TBX5: variants seen among roughly 807,000 people sequenced by gnomAD.
The protein encoded by TBX5 is T-box transcription factor 5.
Under a neutral mutation model 51.1 loss-of-function variants are expected in TBX5, and 8 were observed. That is an observed-to-expected ratio of 0.16 (90% confidence interval 0.09 to 0.28). The LOEUF is 0.28. Among genes scored for constraint, TBX5 ranks in the 10% least tolerant of loss-of-function variants. The probability of loss-of-function intolerance (pLI) is 1.00; values close to 1 mark genes in which losing one functional copy is unlikely to be tolerated. For synonymous variants in TBX5, 302 were observed against 266.4 expected (o/e 1.13, Z -1.30); for missense variants, 589 against 671.7 (o/e 0.88, Z 1.36).
chr12:114,403,507 C>T (rs1026642150), intron 2 of TBX5, among the ~76,000 whole-genome samples: 11 of 152,304 alleles, frequency 7.2e-5, no homozygotes, highest in South Asian at 2.1e-4. Flanking sequence ...TTTCAAAAAT[C>T]CTTTGGCCGT....
chr12:114,366,306 G>C lies in TBX5; in HGVS notation c.841C>G (p.Leu281Val), dbSNP rs760177359. The change falls in exon 8 of 9, where the codon CTC (leucine) becomes GTC (valine). Residue 281 changes from leucine to valine, a missense_variant. Leu to Val is a conservative substitution (Grantham distance 32). This residue lies in a region of TBX5 where 348 missense variants were observed against 360.4 expected (regional missense o/e 0.97). Coordinates refer to ENST00000405440, the MANE Select transcript of TBX5 (RefSeq NM_181486.4). Reference protein sequence around the residue: ...HSPFSSESRALSTSSNLGSQY... With the variant: ...HSPFSSESRAVSTSSNLGSQY... ...GACCCCAAATTGGATGAGGTGGAGA[G>C]AGCTCGAGACTCGCTGCTGAAAGGA... is the stretch of plus-strand genomic sequence containing the variant. 5 of 1,614,106 alleles carry C rather than the reference G, an allele frequency of 3.1e-6. No individual in the cohort carries two copies. The African/African-American group carries it at 4.0e-5, about 13-fold the overall frequency.
In TBX5 at chr12:114,399,579, T is replaced by C; in HGVS notation, c.296A>G (p.Lys99Arg). The C allele has an allele frequency of 6.2e-7, 1 of 1,614,172 alleles. No individual in the cohort carries two copies. The highest frequency in any genetic ancestry group is 8.5e-7 in the Non-Finnish European group (1 of 1,180,038). Residue 99 changes from lysine to arginine, a missense_variant, in exon 4 of 9, where the codon AAG becomes AGG. Around this residue, in one of 7 missense-constraint regions of TBX5, gnomAD observed 85 missense variants for 95.6 expected, o/e 0.89. Coordinates refer to ENST00000405440, the MANE Select transcript of TBX5 (RefSeq NM_181486.4). Reference protein sequence around the residue: ...VKVTGLNPKTKYILLMDIVPA... With the variant: ...VKVTGLNPKTRYILLMDIVPA... ...TACAATGTCCATGAGAAGAATGTACTTCGTTTTGGGATTAAGGCCCGTCAC... is the reference window on the plus strand; with the variant it reads ...TACAATGTCCATGAGAAGAATGTACCTCGTTTTGGGATTAAGGCCCGTCAC...
intron 7 of TBX5, among the ~76,000 whole-genome samples, chr12:114,370,986 G>A (rs1869870692): frequency 6.6e-6 from 1 of 152,000 alleles, no homozygotes; most frequent in African/African-American, 2.4e-5. Flanking sequence ...GAACGGGGAT[G>A]AGTGATAAAA....
At chr12:114,396,343 G>C (rs1292520332) in intron 5 of TBX5, among the ~76,000 whole-genome samples, 1 of 152,048 alleles carries the variant, frequency 6.6e-6, no homozygotes, top group African/African-American at 2.4e-5. Flanking sequence ...CGGGGCCATC[G>C]GCCCGGCTTA....
At chr12:114,395,561 G>T (rs930130612) in intron 5 of TBX5, among the ~76,000 whole-genome samples, 3 of 151,988 alleles carry the variant, frequency 2.0e-5, no homozygotes, top group Non-Finnish European at 4.4e-5. Context: ...CGGCTCATAA[G>T]GTGTGGGGAG....
intron 8 of TBX5, among the ~76,000 whole-genome samples, chr12:114,365,230 A>T (rs942477764): frequency 5.3e-5 from 8 of 151,870 alleles, no homozygotes; most frequent in Non-Finnish European, 5.9e-5. Flanking sequence ...AAAGAGTTCA[A>T]AATCCACCTG....
chr12:114,382,825 A>C (rs970143553), intron 7 of TBX5, among the ~76,000 whole-genome samples: 1 of 151,942 alleles, frequency 6.6e-6, no homozygotes, highest in Non-Finnish European at 1.5e-5. Context: ...AAATAAAAAC[A>C]TACAAATTTA....
intron 6 of TBX5, among the ~76,000 whole-genome samples, chr12:114,388,790 C>A (rs914925325): frequency 2.9e-5 from 4 of 138,400 alleles, no homozygotes; most frequent in African/African-American, 5.4e-5. Flanking sequence ...CACTATGTTG[C>A]CCAGGCTGGT....
At chr12:114,370,718 C>T in intron 7 of TBX5, among the ~76,000 whole-genome samples, 1 of 140,476 alleles carries the variant, frequency 7.1e-6, no homozygotes. Flanking sequence ...GATTAAAGCC[C>T]CACACTTATG....
At chr12:114,356,189 C>T (rs1269536480) in intron 8 of TBX5, 83 bp from the exon 9 acceptor site, 1 of 1,332,062 alleles carries the variant, frequency 7.5e-7, no homozygotes, top group Admixed American at 1.7e-5. Context: ...GGCCAAAGTA[C>T]TGAAGAATAA....
At position 114,405,446 on chromosome 12, in the gene TBX5, C is replaced by T. The variant is rs576996488; in HGVS notation, c.-39+182G>A. Among the ~76,000 whole-genome samples, 13 of 152,322 alleles carry T rather than the reference C, an allele frequency of 8.5e-5. No individual in the cohort carries two copies. In the South Asian group the frequency reaches 1.2e-3, roughly 15 times the overall value. ...TGCTTCTGCAAACCTCAATGCCGCT[C>T]CGCCAGCCGCGGCGGCCTCCCAGAC... On this transcript the variant is annotated intron_variant, in intron 1 of 8. Transcript: ENST00000405440.
upstream of TBX5, among the ~76,000 whole-genome samples, chr12:114,406,810 C>T (rs564417985): frequency 2.0e-5 from 3 of 152,188 alleles, no homozygotes; most frequent in Non-Finnish European, 2.9e-5. Flanking sequence ...TTTTCATCTC[C>T]ACTGGTCTCC....
At chr12:114,361,698 A>G (rs1869251316) in intron 8 of TBX5, among the ~76,000 whole-genome samples, 1 of 152,200 alleles carries the variant, frequency 6.6e-6, no homozygotes, top group Admixed American at 6.5e-5. Context: ...TGGGGCAGGC[A>G]GGGGCCAGGG....
chr12:114,391,713 A>G (rs1871152333), intron 6 of TBX5, among the ~76,000 whole-genome samples: 1 of 152,228 alleles, frequency 6.6e-6, no homozygotes, highest in African/African-American at 2.4e-5. Context: ...GCATGAAGTC[A>G]GAAGTCTCAA....
intron 5 of TBX5, among the ~76,000 whole-genome samples, chr12:114,397,379 G>A (rs560760733): frequency 6.6e-6 from 1 of 152,126 alleles, no homozygotes; most frequent in Admixed American, 6.5e-5. Flanking sequence ...CCTCCCGTCC[G>A]CCCCCTAGGC....
intron 3 of TBX5, 152 bp downstream of exon 3, chr12:114,401,674 T>C: frequency 4.1e-6 from 3 of 733,956 alleles, no homozygotes; most frequent in Middle Eastern, 2.4e-4. Flanking sequence ...TATCTTTCGC[T>C]CTCTCTCTCC....
chr12:114,391,172 A>G (rs1048540398), intron 6 of TBX5, among the ~76,000 whole-genome samples: 1 of 152,230 alleles, frequency 6.6e-6, no homozygotes, highest in East Asian at 1.9e-4. Context: ...ATTTAATCAC[A>G]TGCATTGCTT....
At chr12:114,407,034 G>A (rs1565944748), upstream of TBX5, 2 of 985,192 alleles carry the variant, frequency 2.0e-6, no homozygotes, top group African/African-American at 1.7e-5. Context: ...CTAGGGTTCT[G>A]ATAAGAGACT....
intron 6 of TBX5, among the ~76,000 whole-genome samples, chr12:114,394,497 C>G (rs1382547367): frequency 1.3e-5 from 2 of 152,154 alleles, no homozygotes; most frequent in Non-Finnish European, 2.9e-5. Flanking sequence ...TATGGTTTGA[C>G]AAGTTTGTTT....
Sources: gnomAD v4.1 joint callset for allele counts (sites outside exome capture counted in the v4.1 genomes callset) on GRCh38, gnomAD v4.1.1 for gene constraint, gnomAD v4.1.1 regional missense constraint, MANE v1.5 for transcripts, NCBI Gene and HGNC (gene_info 2026-07-23, HGNC 2026-07-21) for gene names.